NAB1: variants seen among roughly 807,000 people sequenced by gnomAD.
The protein encoded by NAB1 is NGFI-A binding protein 1.
NAB1 carries 25 observed loss-of-function variants against 49.9 expected under a neutral mutation model. That is an observed-to-expected ratio of 0.50 (90% CI 0.37 to 0.70). The LOEUF is 0.70. Among genes scored for constraint, NAB1 ranks in the 30% least tolerant of loss-of-function variants. NAB1 has a pLI of 0.00. For missense variants in NAB1, 489 were observed against 575.9 expected (o/e 0.85, Z 1.54); for synonymous variants, 198 against 215.6 (o/e 0.92, Z 0.71).
chr2:190,685,028 T>A lies in NAB1; in HGVS notation c.1096-448T>A, dbSNP rs1026948079. The stretch of plus-strand genomic sequence containing the variant: ...TTCTTCTAGACAGCCGTTTTACACC[T>A]TTTCTCCCCCAAACATATTGTCATC... On this transcript the variant is annotated intron_variant, in intron 7 of 9. Transcript: ENST00000337386. The surrounding 1 kb of genome is among the most constrained non-coding windows in gnomAD (Gnocchi z 4.5). 6.6e-6 allele frequency among the ~76,000 whole-genome samples: 1 copy of A among 152,188 alleles called. No homozygotes were observed. The highest frequency in any genetic ancestry group is 2.4e-5 in the African/African-American group (1 of 41,464).
In NAB1 at chr2:190,663,136, G is replaced by T. The variant is rs577190578; in HGVS notation, c.819+3141G>T. On this transcript the variant is annotated intron_variant, in intron 4 of 9. Transcript: ENST00000337386. This position sits in a 1 kb window ranked among gnomAD's most constrained non-coding sequence, Gnocchi z 4.2. The stretch of plus-strand genomic sequence containing the variant: ...GATTTCAGCATCTAACACTTGAAAT[G>T]CTGGACTTTTCCTTCTGATGATTTT... Among the ~76,000 whole-genome samples, 1 of 152,296 alleles carries T rather than the reference G, an allele frequency of 6.6e-6. No homozygotes were observed. Among genetic ancestry groups the T allele is most frequent in the East Asian group, 1.9e-4 (1 of 5,188 alleles).
chr2:190,687,106 C>T, intron 8 of NAB1, 95 bp from the exon 9 acceptor site: 1 of 581,166 alleles, frequency 1.7e-6, no homozygotes, highest in Non-Finnish European at 2.8e-6. Context: ...ACTCTCCTCA[C>T]TTTTTTCCTA....
Position 190,685,348 on chromosome 2 carries a change from C to T in NAB1, c.1096-128C>T. On this transcript the variant is annotated intron_variant, in intron 7 of 9. Transcript: ENST00000337386. This position sits in a 1 kb window ranked among gnomAD's most constrained non-coding sequence, Gnocchi z 4.5. ...ATGCATATTTATGGAATTTGTATACCACATGAAGTGTGAACTAATTTTAAT... is the reference window on the plus strand; with the variant it reads ...ATGCATATTTATGGAATTTGTATACTACATGAAGTGTGAACTAATTTTAAT... 2.6e-6 allele frequency: 2 copies of T among 776,762 alleles called. No individual in the cohort carries two copies. The highest frequency in any genetic ancestry group is 4.0e-4 in the Middle Eastern group (1 of 2,530). 48.1% of individuals were successfully genotyped at this position (776,762 alleles called of 1,614,324 possible). A position where few individuals can be genotyped will look rare whatever the true frequency, so the allele number is the denominator to read the frequency against.
Position 190,649,963 on chromosome 2 carries a change from T to TA in NAB1, c.-215dup, listed in dbSNP as rs1199397557. 6.6e-6 allele frequency: 1 copy of TA among 152,224 alleles called. No individual in the cohort carries two copies. Among genetic ancestry groups the TA allele is most frequent in the Admixed American group, 6.5e-5 (1 of 15,286 alleles). The allele number at this position is 152,224 out of a possible 1,614,324, so 9.4% of individuals were successfully genotyped here. On this transcript the variant is annotated 5_prime_UTR_variant, in exon 2 of 10. It introduces an in-frame stop codon into an upstream open reading frame of the 5' UTR. Coordinates refer to ENST00000337386, the MANE Select transcript of NAB1 (RefSeq NM_005966.4). This position sits in a 1 kb window ranked among gnomAD's most constrained non-coding sequence, Gnocchi z 6.1. ...GGAATTTGGAAACACATGTGGGACATACAAGCGTTGGATATAGAGGTGTGT... is the reference window on the plus strand; with the variant it reads ...GGAATTTGGAAACACATGTGGGACATAACAAGCGTTGGATATAGAGGTGTGT...
Position 190,659,976 on chromosome 2 carries a change from A to G in NAB1, c.800A>G (p.Lys267Arg), listed in dbSNP as rs765427235. The change falls in exon 4 of 10, where the codon AAA becomes AGA. Residue 267 changes from lysine (K) to arginine (R), a missense_variant. By Grantham distance (26) the Lys-to-Arg change is conservative. This residue lies in a region of NAB1 where 38 missense variants were observed against 70.1 expected (regional missense o/e 0.54). Transcript: ENST00000337386. This position sits in a 1 kb window ranked among gnomAD's most constrained non-coding sequence, Gnocchi z 6.2. ...TTTGACTCAAAGAGGAAGGATGGGA[A>G]ACATCTCACACTTCATGAGGTACAA... ...GRFDSKRKDG[K>R]HLTLHELTVN... 2 of 1,612,926 alleles carry G rather than the reference A, an allele frequency of 1.2e-6. No individual in the cohort carries two copies. Among genetic ancestry groups the G allele is most frequent in the South Asian group, 1.1e-5 (1 of 91,038 alleles).
intron 4 of NAB1, 97 bp downstream of exon 4, chr2:190,660,092 T>A: frequency 9.4e-7 from 1 of 1,059,570 alleles, no homozygotes; most frequent in Non-Finnish European, 1.4e-6. Flanking sequence ...TGTGATACAC[T>A]ACCTGAAAGC....
Position 190,684,642 on chromosome 2 carries a change from G to A in NAB1, c.1095+815G>A, listed in dbSNP as rs1394571575. The stretch of plus-strand genomic sequence containing the variant: ...CTACTGATTTTTACATTGTGAATCA[G>A]GGCATTTTGTAACCAATTTTATATA... On this transcript the variant is annotated intron_variant, in intron 7 of 9. Coordinates refer to ENST00000337386, the MANE Select transcript of NAB1 (RefSeq NM_005966.4). The surrounding 1 kb of genome is among the most constrained non-coding windows in gnomAD (Gnocchi z 4.6). Among the ~76,000 whole-genome samples, 2 of 152,062 alleles carry A rather than the reference G, an allele frequency of 1.3e-5. No homozygotes were observed. Among genetic ancestry groups the A allele is most frequent in the African/African-American group, 2.4e-5 (1 of 41,408 alleles).
intron 5 of NAB1, among the ~76,000 whole-genome samples, chr2:190,671,787 T>A (rs1172929648): frequency 7.0e-6 from 1 of 143,830 alleles, no homozygotes; most frequent in Non-Finnish European, 1.5e-5. Context: ...TTTTTTTTTT[T>A]TTTTTTTGAG....
intron 4 of NAB1, among the ~76,000 whole-genome samples, chr2:190,668,884 C>T (rs1694659904): frequency 6.6e-6 from 1 of 152,218 alleles, no homozygotes; most frequent in Non-Finnish European, 1.5e-5. Flanking sequence ...CCTATACATG[C>T]ATACCTATGA....
intron 3 of NAB1, among the ~76,000 whole-genome samples, chr2:190,658,598 A>G (rs539401636): frequency 1.3e-5 from 2 of 152,084 alleles, no homozygotes; most frequent in South Asian, 2.1e-4. Context: ...AACACCTTCT[A>G]TTTCTCACCT....
chr2:190,678,989 G>A lies in NAB1; in HGVS notation c.1006-4749G>A, dbSNP rs1695203809. Among the ~76,000 whole-genome samples, 1 of 152,210 alleles carries A rather than the reference G, an allele frequency of 6.6e-6. No individual in the cohort carries two copies. The highest frequency in any genetic ancestry group is 6.5e-5 in the Admixed American group (1 of 15,286). On this transcript the variant is annotated intron_variant, in intron 6 of 9. Coordinates refer to ENST00000337386, the MANE Select transcript of NAB1 (RefSeq NM_005966.4). The surrounding 1 kb of genome is among the most constrained non-coding windows in gnomAD (Gnocchi z 4.9). ...GCATGGGGATGGAGACCAATGGGAT[G>A]AGAGTAATTAGGTCATGCACCAGCC...
rs535336320 is a variant in NAB1, at chr2:190,680,478, C to G, written c.1006-3260C>G. On this transcript the variant is annotated intron_variant, in intron 6 of 9. Coordinates refer to ENST00000337386, the MANE Select transcript of NAB1 (RefSeq NM_005966.4). The surrounding 1 kb of genome is among the most constrained non-coding windows in gnomAD (Gnocchi z 5.2). ...GATGCCTGCTCTGCCACAGCGCCCTCTGCTGTGCTCTGGGTCTCCGTCCAT... is the reference window on the plus strand; with the variant it reads ...GATGCCTGCTCTGCCACAGCGCCCTGTGCTGTGCTCTGGGTCTCCGTCCAT... 3.9e-5 allele frequency among the ~76,000 whole-genome samples: 6 copies of G among 152,330 alleles called. No individual in the cohort carries two copies. The South Asian group carries it at 1.0e-3, about 26-fold the overall frequency.
intron 3 of NAB1, among the ~76,000 whole-genome samples, chr2:190,658,078 CAAG>C (rs1047385138): frequency 3.9e-5 from 6 of 152,298 alleles, no homozygotes; most frequent in African/African-American, 1.4e-4. Flanking sequence ...GCTAAGAGGT[CAAG>C]AAGTACTTTG....
intron 3 of NAB1, among the ~76,000 whole-genome samples, chr2:190,656,481 G>C (rs923194498): frequency 6.6e-6 from 1 of 152,164 alleles, no homozygotes; most frequent in Non-Finnish European, 1.5e-5. Flanking sequence ...GTAAGTGTGG[G>C]CCTCTAGAAA....
rs749042822 is a variant in NAB1, at chr2:190,690,238, T to C, written c.1376-7T>C. 6.3e-7 allele frequency: 1 copy of C among 1,598,512 alleles called. No homozygotes were observed. Among genetic ancestry groups the C allele is most frequent in the Non-Finnish European group, 8.6e-7 (1 of 1,167,364 alleles). On this transcript the variant is annotated splice_polypyrimidine_tract_variant and splice_region_variant and intron_variant, in intron 9 of 9. Transcript: ENST00000337386. Reference sequence around the variant, plus strand: ...TATCAACTCACTTTGTTTCCATTTTTATGTAGAGAGCCTTGGGATTTTAAA... The same window carrying C: ...TATCAACTCACTTTGTTTCCATTTTCATGTAGAGAGCCTTGGGATTTTAAA...
At chr2:190,661,862 T>C (rs922004851) in intron 4 of NAB1, among the ~76,000 whole-genome samples, 1 of 152,214 alleles carries the variant, frequency 6.6e-6, no homozygotes, top group Non-Finnish European at 1.5e-5. Flanking sequence ...GGATAAATGT[T>C]TGTGAATCAG....
rs1366822762 is a variant in NAB1, at chr2:190,651,013, A to T, written c.-197+1031A>T. Among the ~76,000 whole-genome samples the T allele has an allele frequency of 6.6e-6, 1 of 152,170 alleles. No homozygotes were observed. Among genetic ancestry groups the T allele is most frequent in the Non-Finnish European group, 1.5e-5 (1 of 68,018 alleles). ...GCACTAAAGTTAATATGCCATTTCGAGATTAAAAATGTTTTTTTCCCGACT... is the reference window on the plus strand; with the variant it reads ...GCACTAAAGTTAATATGCCATTTCGTGATTAAAAATGTTTTTTTCCCGACT... On this transcript the variant is annotated intron_variant, in intron 2 of 9. Coordinates refer to ENST00000337386, the MANE Select transcript of NAB1 (RefSeq NM_005966.4). The surrounding 1 kb of genome is among the most constrained non-coding windows in gnomAD (Gnocchi z 4.3).
chr2:190,665,479 T>C (rs539021295), intron 4 of NAB1, among the ~76,000 whole-genome samples: 26 of 152,364 alleles, frequency 1.7e-4, no homozygotes, highest in Non-Finnish European at 3.1e-4. Flanking sequence ...TTTCTTCAAA[T>C]GAAGTCTTTG....
Position 190,651,119 on chromosome 2 carries a change from A to T in NAB1, c.-197+1137A>T, listed in dbSNP as rs545151129. On this transcript the variant is annotated intron_variant, in intron 2 of 9. Coordinates refer to ENST00000337386, the MANE Select transcript of NAB1 (RefSeq NM_005966.4). The surrounding 1 kb of genome is among the most constrained non-coding windows in gnomAD (Gnocchi z 4.3). ...TTGAGGAACTGTAGATTTTTATTTT[A>T]TTCTGCCTGCTAATTATGGATGTAA... Among the ~76,000 whole-genome samples the T allele has an allele frequency of 6.6e-6, 1 of 152,296 alleles. No individual in the cohort carries two copies. The highest frequency in any genetic ancestry group is 1.9e-4 in the East Asian group (1 of 5,194).
Sources: allele counts gnomAD v4.1 joint callset (sites outside exome capture counted in the v4.1 genomes callset), GRCh38; gene constraint gnomAD v4.1.1; regional missense constraint gnomAD v4.1.1; non-coding constraint Gnocchi (gnomAD v3.1); transcripts MANE v1.5; gene names NCBI Gene and HGNC (gene_info 2026-07-23, HGNC 2026-07-21).